The following GLT8D2 variants were observed in gnomAD, a reference collection of about 807,000 sequenced individuals.
The protein encoded by GLT8D2 is glycosyltransferase 8 domain containing 2.
In GLT8D2, 45 loss-of-function variants were observed where a neutral mutation model predicts 44.5. The ratio of observed to expected loss-of-function variants is 1.01; its 90% confidence interval spans 0.80 to 1.30. The LOEUF is 1.30. GLT8D2 is among the 50% of genes most tolerant of loss of function. The probability of loss-of-function intolerance (pLI) is 0.00; values close to 1 mark genes in which losing one functional copy is unlikely to be tolerated. For synonymous variants in GLT8D2, 156 were observed against 157.2 expected, an observed-to-expected ratio of 0.99 and a Z score of 0.06; for missense variants, 400 against 430.4, an observed-to-expected ratio of 0.93 and a Z score of 0.62.
intron 5 of GLT8D2, among the ~76,000 whole-genome samples, chr12:104,000,372 T>C (rs1350096546): frequency 6.6e-6 from 1 of 152,204 alleles, no homozygotes; most frequent in African/African-American, 2.4e-5. Flanking sequence ...AATTTCTAGA[T>C]ACCACTGGAC....
chr12:104,053,756 C>A (rs200028550), upstream of GLT8D2, among the ~76,000 whole-genome samples: 3 of 151,900 alleles, frequency 2.0e-5, no homozygotes, highest in African/African-American at 4.8e-5. Context: ...CAGTGGCAGG[C>A]GCCTGTAGTC....
At chr12:104,003,028 AGG>A in intron 5 of GLT8D2, 105 bp downstream of exon 5, 1 of 763,830 alleles carries the variant, frequency 1.3e-6, no homozygotes, top group Non-Finnish European at 2.1e-6. Flanking sequence ...AAGGGAGAGA[AGG>A]CAAGAAAGAA....
At chr12:103,990,103 A>T (rs1593523699) in intron 10 of GLT8D2, among the ~76,000 whole-genome samples, 1 of 24,842 alleles carries the variant, frequency 4.0e-5, no homozygotes, top group Non-Finnish European at 7.3e-5. Flanking sequence ...ATATATATAT[A>T]TATATATATA....
intron 1 of GLT8D2, among the ~76,000 whole-genome samples, chr12:104,033,465 CAG>C (rs1410489190): frequency 8.6e-5 from 13 of 152,006 alleles, no homozygotes; most frequent in African/African-American, 2.9e-4. Flanking sequence ...CTTACAGAAA[CAG>C]AGAGTAGAAG....
intron 1 of GLT8D2, among the ~76,000 whole-genome samples, chr12:104,040,192 T>A (rs1028675899): frequency 6.6e-6 from 1 of 152,160 alleles, no homozygotes; most frequent in African/African-American, 2.4e-5. Context: ...AAATAGCTAA[T>A]GTAAATGACA....
chr12:104,034,846 GT>G (rs1461062938), intron 1 of GLT8D2, among the ~76,000 whole-genome samples: 1 of 152,234 alleles, frequency 6.6e-6, no homozygotes, highest in Non-Finnish European at 1.5e-5. Flanking sequence ...CCCTCAGTGG[GT>G]CCCTGACCCC....
intron 1 of GLT8D2, among the ~76,000 whole-genome samples, chr12:104,047,604 C>G (rs1197585366): frequency 1.3e-5 from 2 of 152,140 alleles, no homozygotes; most frequent in East Asian, 3.9e-4. Context: ...CTGTGCCCAG[C>G]CTCTTAGGCC....
intron 1 of GLT8D2, chr12:104,031,029 C>T: frequency 8.7e-7 from 1 of 1,154,800 alleles, no homozygotes; most frequent in East Asian, 2.6e-5. Context: ...GTGGTGAGGA[C>T]TTGGCGCCTC....
chr12:104,007,402 AG>A (rs770906815), intron 4 of GLT8D2, among the ~76,000 whole-genome samples: 10 of 152,122 alleles, frequency 6.6e-5, no homozygotes, highest in African/African-American at 9.7e-5. Context: ...ATTAACTACC[AG>A]GTACTGCATT....
At chr12:103,991,103 A>T (rs1350010057) in intron 10 of GLT8D2, among the ~76,000 whole-genome samples, 1 of 152,174 alleles carries the variant, frequency 6.6e-6, no homozygotes, top group Non-Finnish European at 1.5e-5. Context: ...TTCAGCACAG[A>T]TGGAAGCTCT....
chr12:104,058,259 G>A (rs1333400711), intron 1 of GLT8D2, among the ~76,000 whole-genome samples: 1 of 152,188 alleles, frequency 6.6e-6, no homozygotes, highest in Non-Finnish European at 1.5e-5. Flanking sequence ...ACAGTGTACA[G>A]ACTGTGAGTT....
Position 104,003,133 on chromosome 12 carries a change from A to T in GLT8D2, c.284+2T>A, listed in dbSNP as rs535164480. The T allele has an allele frequency of 6.2e-7, 1 of 1,613,172 alleles. No individual in the cohort carries two copies. Among genetic ancestry groups the T allele is most frequent in the African/African-American group, 1.3e-5 (1 of 75,024 alleles). On this transcript the variant is annotated splice_donor_variant, in intron 5 of 10. Coordinates refer to ENST00000360814, the MANE Select transcript of GLT8D2 (RefSeq NM_001384711.1). LOFTEE classifies it high-confidence loss of function. ...TGCCAAAGTCTGTAAGACATAACTT[A>T]CCGTATTCGAGTCAGAGTATTCCGG...
chr12:104,062,892 G>A (rs1269091878), intron 1 of GLT8D2, among the ~76,000 whole-genome samples: 3 of 152,198 alleles, frequency 2.0e-5, no homozygotes, highest in African/African-American at 7.2e-5. Flanking sequence ...TCCTCGGCCT[G>A]TTCGGAACCC....
chr12:103,992,791 C>T (rs931054943), intron 10 of GLT8D2, among the ~76,000 whole-genome samples: 3 of 152,170 alleles, frequency 2.0e-5, no homozygotes, highest in South Asian at 2.1e-4. Context: ...CACGCCCGGC[C>T]GAAAGTTCTC....
Position 103,994,499 on chromosome 12 carries a change from G to A in GLT8D2, c.603C>T (p.Asn201=). ...GGTAGTCCAGATAGCCCATATATGT[G>A]TTCTGTAAGGGAACAGGATGTGCAT... ...QDINRLVGLQ[N]TYMGYLDYRK... Residue 201 remains asparagine (N), a splice_region_variant and synonymous_variant, in exon 9 of 11, where the codon AAC becomes AAT. Transcript: ENST00000360814. 1 of 1,606,526 alleles carries A rather than the reference G, an allele frequency of 6.2e-7. No individual in the cohort carries two copies. Among genetic ancestry groups the A allele is most frequent in the Non-Finnish European group, 8.5e-7 (1 of 1,177,368 alleles).
chr12:103,992,255 T>C (rs1872830880), intron 10 of GLT8D2, among the ~76,000 whole-genome samples: 1 of 152,192 alleles, frequency 6.6e-6, no homozygotes, highest in East Asian at 1.9e-4. Context: ...CAGTTCATAC[T>C]CTAAACCCTA....
chr12:103,991,107 A>C (rs1328993247), intron 10 of GLT8D2, among the ~76,000 whole-genome samples: 2 of 152,174 alleles, frequency 1.3e-5, no homozygotes, highest in Non-Finnish European at 2.9e-5. Context: ...GCACAGATGG[A>C]AGCTCTGTCC....
At chr12:104,022,868 C>T (rs768207341) in intron 1 of GLT8D2, among the ~76,000 whole-genome samples, 35 of 152,126 alleles carry the variant, frequency 2.3e-4, no homozygotes, top group Non-Finnish European at 4.0e-4. Context: ...TTCTCATGTT[C>T]TATCAGGCCA....
chr12:104,030,324 A>G (rs1046184932), intron 1 of GLT8D2, among the ~76,000 whole-genome samples: 8 of 152,238 alleles, frequency 5.3e-5, no homozygotes, highest in African/African-American at 9.6e-5. Flanking sequence ...GATCTTTATC[A>G]TACACAAAAC....
Sources: allele counts gnomAD v4.1 joint callset (sites outside exome capture counted in the v4.1 genomes callset), GRCh38; gene constraint gnomAD v4.1.1; transcripts MANE v1.5; gene names NCBI Gene and HGNC (gene_info 2026-07-23, HGNC 2026-07-21).